KIAA0825: variants seen among roughly 807,000 people sequenced by gnomAD.
KIAA0825 encodes KIAA0825.
Under a neutral mutation model 147.6 loss-of-function variants are expected in KIAA0825, and 119 were observed. The observed-to-expected ratio is 0.81, with a 90% CI of 0.69 to 0.94. The LOEUF is 0.94. Among genes scored for constraint, KIAA0825 ranks in the 40% least tolerant of loss-of-function variants. The pLI is 0.00. For missense variants in KIAA0825, 1,381 were observed against 1,472.7 expected, an observed-to-expected ratio of 0.94 and a Z score of 1.02; for synonymous variants, 470 against 518.1, an observed-to-expected ratio of 0.91 and a Z score of 1.26.
chr5:94,611,393 C>A, intron 1 of KIAA0825, among the ~76,000 whole-genome samples: 1 of 152,110 alleles, frequency 6.6e-6, no homozygotes, highest in South Asian at 2.1e-4. Context: ...AATCCTGAAA[C>A]CACCATGTAT....
intron 2 of KIAA0825, among the ~76,000 whole-genome samples, chr5:94,558,083 C>G (rs555646498): frequency 6.6e-6 from 1 of 152,174 alleles, no homozygotes; most frequent in Non-Finnish European, 1.5e-5. Flanking sequence ...CTAGTCACTT[C>G]GTTCCACGGT....
At chr5:94,192,041 A>G (rs1410772890) in intron 20 of KIAA0825, among the ~76,000 whole-genome samples, 1 of 152,264 alleles carries the variant, frequency 6.6e-6, no homozygotes, top group African/African-American at 2.4e-5. Context: ...CAAAAAAAGA[A>G]TAAGATTTGC....
chr5:94,175,558 C>A (rs1226021861), intron 20 of KIAA0825, among the ~76,000 whole-genome samples: 2 of 152,104 alleles, frequency 1.3e-5, no homozygotes, highest in Non-Finnish European at 2.9e-5. Context: ...CTTTGGAGAG[C>A]CTTCTTTCTC....
intron 3 of KIAA0825, among the ~76,000 whole-genome samples, chr5:94,524,798 G>A (rs1768949194): frequency 6.6e-6 from 1 of 151,690 alleles, no homozygotes; most frequent in South Asian, 2.1e-4. Context: ...AAAATAAAAT[G>A]CTTCATTCAC....
intron 20 of KIAA0825, among the ~76,000 whole-genome samples, chr5:94,340,698 T>C (rs1366986996): frequency 1.3e-5 from 2 of 152,146 alleles, no homozygotes; most frequent in East Asian, 1.9e-4. Context: ...TGTTACATGA[T>C]ACATATGTTA....
chr5:94,192,149 C>G (rs1345494685), intron 20 of KIAA0825, among the ~76,000 whole-genome samples: 1 of 152,224 alleles, frequency 6.6e-6, no homozygotes, highest in Non-Finnish European at 1.5e-5. Flanking sequence ...AGTCCAACTT[C>G]CCACGGGAAA....
chr5:94,527,015 G>C (rs772587114), intron 3 of KIAA0825, among the ~76,000 whole-genome samples: 1 of 151,876 alleles, frequency 6.6e-6, no homozygotes, highest in Admixed American at 6.6e-5. Context: ...GTAGAATCAC[G>C]GTACTTAAAA....
At chr5:94,549,717 A>AAAAAAC (rs1032288043) in intron 2 of KIAA0825, among the ~76,000 whole-genome samples, 1 of 152,182 alleles carries the variant, frequency 6.6e-6, no homozygotes, top group Non-Finnish European at 1.5e-5. Context: ...ACTCCATCTC[A>AAAAAAC]AAAAACAAAA....
chr5:94,258,032 G>A (rs1383481998), intron 20 of KIAA0825, among the ~76,000 whole-genome samples: 1 of 151,994 alleles, frequency 6.6e-6, no homozygotes, highest in East Asian at 1.9e-4. Flanking sequence ...TATGGAGCAC[G>A]TGTATGATGT....
chr5:94,563,596 G>GT (rs1317001193), intron 2 of KIAA0825, among the ~76,000 whole-genome samples: 1 of 152,148 alleles, frequency 6.6e-6, no homozygotes, highest in African/African-American at 2.4e-5. Flanking sequence ...CTATAACAAT[G>GT]ACAATTGTAT....
intron 20 of KIAA0825, among the ~76,000 whole-genome samples, chr5:94,312,814 G>T (rs919330632): frequency 6.6e-6 from 1 of 151,462 alleles, no homozygotes; most frequent in Non-Finnish European, 1.5e-5. Flanking sequence ...TAAATTCACC[G>T]GGTCAAATTA....
chr5:94,284,301 T>A (rs748201296), intron 20 of KIAA0825, among the ~76,000 whole-genome samples: 1 of 152,124 alleles, frequency 6.6e-6, no homozygotes, highest in Non-Finnish European at 1.5e-5. Flanking sequence ...TGAATGTATA[T>A]GAAGTGGGTG....
intron 16 of KIAA0825, among the ~76,000 whole-genome samples, chr5:94,402,350 A>T (rs923563175): frequency 4.6e-5 from 7 of 152,156 alleles, no homozygotes; most frequent in African/African-American, 1.7e-4. Context: ...AATCATGCCT[A>T]CTGAATTGCT....
intron 16 of KIAA0825, 43 bp downstream of exon 16, chr5:94,403,526 C>A (rs1751663234): frequency 1.4e-6 from 2 of 1,446,724 alleles, no homozygotes; most frequent in Non-Finnish European, 9.5e-7. Context: ...TAGAAAATTG[C>A]TTCTTCAGGT....
intron 20 of KIAA0825, among the ~76,000 whole-genome samples, chr5:94,268,759 T>C (rs1043916191): frequency 1.3e-5 from 2 of 152,182 alleles, no homozygotes; most frequent in Non-Finnish European, 2.9e-5. Context: ...ACCCAGTTTC[T>C]CACTAAGCAT....
intron 20 of KIAA0825, among the ~76,000 whole-genome samples, chr5:94,367,313 A>C (rs909021582): frequency 6.6e-6 from 1 of 152,146 alleles, no homozygotes; most frequent in Non-Finnish European, 1.5e-5. Context: ...CCTGGCCAAC[A>C]TGATGAAACC....
intron 20 of KIAA0825, among the ~76,000 whole-genome samples, chr5:94,325,760 C>T (rs1780623016): frequency 6.6e-6 from 1 of 151,850 alleles, no homozygotes; most frequent in African/African-American, 2.4e-5. Flanking sequence ...CATTCTCAAG[C>T]AGAGAATTAC....
intron 1 of KIAA0825, among the ~76,000 whole-genome samples, chr5:94,602,794 C>A (rs1445130191): frequency 1.3e-5 from 2 of 151,928 alleles, no homozygotes; most frequent in East Asian, 3.9e-4. Context: ...GTCAATTAAA[C>A]CTCCTCCCTT....
At chr5:94,382,350 A>C (rs1748528538) in intron 20 of KIAA0825, among the ~76,000 whole-genome samples, 1 of 152,222 alleles carries the variant, frequency 6.6e-6, no homozygotes, top group Admixed American at 6.5e-5. Context: ...TTTTCAGATA[A>C]GTTCCAACAA....
Sources: gnomAD v4.1 joint callset for allele counts (sites outside exome capture counted in the v4.1 genomes callset) on GRCh38, gnomAD v4.1.1 for gene constraint, MANE v1.5 for transcripts, NCBI Gene and HGNC (gene_info 2026-07-23, HGNC 2026-07-21) for gene names.